Variants in PPM1D observed in about 807,000 individuals in gnomAD.
PPM1D encodes protein phosphatase 1D.
In PPM1D, 52 loss-of-function variants were observed where a neutral mutation model predicts 58.3. The observed-to-expected ratio is 0.89, with a 90% CI of 0.71 to 1.12. PPM1D has a LOEUF of 1.12. Among genes scored for constraint, PPM1D ranks in the 50% most tolerant of loss-of-function variants. The probability of loss-of-function intolerance (pLI) is 0.00; values close to 1 mark genes in which losing one functional copy is unlikely to be tolerated. For missense variants in PPM1D, 564 were observed against 777.2 expected, an observed-to-expected ratio of 0.73 and a Z score of 3.26; for synonymous variants, 278 against 285.1, an observed-to-expected ratio of 0.98 and a Z score of 0.25.
At chr17:60,601,941 A>C (rs1480124969) in intron 1 of PPM1D, among the ~76,000 whole-genome samples, 1 of 152,256 alleles carries the variant, frequency 6.6e-6, no homozygotes, top group Admixed American at 6.5e-5. Flanking sequence ...TGTTTATGGC[A>C]GCATAATAAC....
chr17:60,603,550 G>T (rs2030265735), intron 1 of PPM1D, among the ~76,000 whole-genome samples: 2 of 152,196 alleles, frequency 1.3e-5, no homozygotes, highest in African/African-American at 2.4e-5. Flanking sequence ...ATCACCTGAG[G>T]TCAGGAGTTT....
intron 3 of PPM1D, among the ~76,000 whole-genome samples, chr17:60,644,922 G>T (rs563754905): frequency 6.6e-6 from 1 of 152,070 alleles, no homozygotes; most frequent in South Asian, 2.1e-4. Flanking sequence ...ATTTATATGC[G>T]TGAAACTACA....
At chr17:60,651,499 G>C (rs2031341717) in intron 4 of PPM1D, among the ~76,000 whole-genome samples, 1 of 151,264 alleles carries the variant, frequency 6.6e-6, no homozygotes, top group Admixed American at 6.6e-5. Flanking sequence ...CCAGGTTCAA[G>C]CGATTCCCCT....
Position 60,663,809 on chromosome 17 carries a change from ATTC to A in PPM1D, c.*258_*260del, listed in dbSNP as rs2031574999. On this transcript the variant is annotated 3_prime_UTR_variant, in exon 6 of 6. Coordinates refer to ENST00000305921, the MANE Select transcript of PPM1D (RefSeq NM_003620.4). ...CAAATTCAGTCTCTGAATACACAGTATTCAGAGTCTCTGATACACAGTAATTGT... is the reference window on the plus strand; with the variant it reads ...CAAATTCAGTCTCTGAATACACAGTAAGAGTCTCTGATACACAGTAATTGT... 2.9e-5 allele frequency: 12 copies of A among 410,496 alleles called. No homozygotes were observed. The highest frequency in any genetic ancestry group is 4.9e-5 in the Non-Finnish European group (11 of 225,928). 25.4% of individuals were successfully genotyped at this position (410,496 alleles called of 1,614,324 possible). A position where few individuals can be genotyped will look rare whatever the true frequency, so the allele number is the denominator to read the frequency against.
At chr17:60,613,058 C>T (rs924516819) in intron 1 of PPM1D, among the ~76,000 whole-genome samples, 7 of 152,280 alleles carry the variant, frequency 4.6e-5, no homozygotes, top group African/African-American at 1.7e-4. Context: ...CAGTTAAGAG[C>T]TTTCAGGAGA....
chr17:60,621,700 A>G (rs1283536849), intron 1 of PPM1D, among the ~76,000 whole-genome samples: 1 of 150,278 alleles, frequency 6.7e-6, no homozygotes, highest in Non-Finnish European at 1.5e-5. Context: ...CAGCCTCCAG[A>G]GTAGCTGGGA....
intron 3 of PPM1D, among the ~76,000 whole-genome samples, 162 bp from the exon 4 acceptor site, chr17:60,647,730 T>C (rs1037156293): frequency 2.6e-5 from 4 of 152,250 alleles, no homozygotes; most frequent in Admixed American, 2.6e-4. Context: ...CCTTTTATTC[T>C]TAGTTTGCTA....
chr17:60,602,363 A>G (rs1567962732), intron 1 of PPM1D, among the ~76,000 whole-genome samples: 2 of 152,186 alleles, frequency 1.3e-5, no homozygotes, highest in South Asian at 2.1e-4. Context: ...TGAATTTGCC[A>G]TATGTTTGAA....
chr17:60,631,930 G>C (rs887801897), intron 2 of PPM1D, among the ~76,000 whole-genome samples: 4 of 152,188 alleles, frequency 2.6e-5, no homozygotes, highest in East Asian at 1.9e-4. Context: ...TGTAATCCCA[G>C]CACTTTGGGA....
intron 1 of PPM1D, among the ~76,000 whole-genome samples, chr17:60,605,861 C>T (rs1248062618): frequency 1.3e-5 from 2 of 152,148 alleles, no homozygotes; most frequent in African/African-American, 4.8e-5. Context: ...GCTGAGATCA[C>T]GCCATTGCAC....
chr17:60,623,728 G>T lies in PPM1D; in HGVS notation c.680G>T (p.Arg227Leu). ...CCAGAACTTCCCAAGGAAAGAGAAC[G>T]AATCGAAGGACTTGGTGGGAGGTAA... ...HKPELPKERE[R>L]IEGLGGSVMN... The change falls in exon 2 of 6, where the codon CGA becomes CTA. Residue 227 changes from arginine (R) to leucine (L), a missense_variant. By Grantham distance (102) the Arg-to-Leu change is moderately radical. Around this residue, in one of 7 missense-constraint regions of PPM1D, gnomAD observed 95 missense variants for 232.6 expected, o/e 0.41. Transcript: ENST00000305921. 6.2e-7 allele frequency: 1 copy of T among 1,614,170 alleles called. No individual in the cohort carries two copies. Among genetic ancestry groups the T allele is most frequent in the Non-Finnish European group, 8.5e-7 (1 of 1,179,992 alleles).
chr17:60,655,977 A>C (rs1029593607), intron 4 of PPM1D, among the ~76,000 whole-genome samples: 2 of 151,930 alleles, frequency 1.3e-5, no homozygotes, highest in African/African-American at 4.8e-5. Flanking sequence ...CTGGGATTAC[A>C]GGCATGAGCC....
chr17:60,601,355 A>G (rs1014143301), intron 1 of PPM1D, among the ~76,000 whole-genome samples: 3 of 152,024 alleles, frequency 2.0e-5, no homozygotes, highest in Non-Finnish European at 4.4e-5. Flanking sequence ...CTCCAGATTG[A>G]CCCGGGATTG....
chr17:60,652,760 G>C (rs1322329773), intron 4 of PPM1D, among the ~76,000 whole-genome samples: 1 of 151,936 alleles, frequency 6.6e-6, no homozygotes, highest in Non-Finnish European at 1.5e-5. Context: ...CTGATGATTA[G>C]TGATGTTGAG....
chr17:60,661,903 T>A (rs777345103), intron 5 of PPM1D, among the ~76,000 whole-genome samples: 4 of 152,206 alleles, frequency 2.6e-5, no homozygotes, highest in Non-Finnish European at 5.9e-5. Flanking sequence ...AAACTACAAA[T>A]TTGTTGCTTA....
At chr17:60,658,648 CAAAAA>C (rs542643373) in intron 5 of PPM1D, among the ~76,000 whole-genome samples, 1 of 67,462 alleles carries the variant, frequency 1.5e-5, no homozygotes, top group African/African-American at 5.6e-5. Context: ...AACCCCATCT[CAAAAA>C]AAAAAAAAAA....
chr17:60,611,536 A>G (rs939077936), intron 1 of PPM1D, among the ~76,000 whole-genome samples: 4 of 151,900 alleles, frequency 2.6e-5, no homozygotes, highest in African/African-American at 9.7e-5. Flanking sequence ...CTCCTGCCTC[A>G]GCCACTTGAG....
intron 1 of PPM1D, among the ~76,000 whole-genome samples, chr17:60,614,490 A>T (rs1272511180): frequency 6.6e-6 from 1 of 152,180 alleles, no homozygotes; most frequent in East Asian, 1.9e-4. Context: ...CAGACTAATC[A>T]GCTCTCTGTA....
intron 1 of PPM1D, among the ~76,000 whole-genome samples, chr17:60,608,463 A>G (rs1261989921): frequency 6.6e-6 from 1 of 152,130 alleles, no homozygotes; most frequent in Non-Finnish European, 1.5e-5. Flanking sequence ...AACCTGATGA[A>G]ACCCAGTTTT....
Sources: allele counts gnomAD v4.1 joint callset (sites outside exome capture counted in the v4.1 genomes callset), GRCh38; gene constraint gnomAD v4.1.1; regional missense constraint gnomAD v4.1.1; transcripts MANE v1.5; gene names NCBI Gene and HGNC (gene_info 2026-07-23, HGNC 2026-07-21).